Variants in TSFM observed in about 807,000 individuals in gnomAD.
The protein encoded by TSFM is Ts translation elongation factor, mitochondrial, also known as elongation factor Ts, mitochondrial.
A neutral mutation model predicts 33.4 loss-of-function variants in TSFM; 29 were observed. That is an observed-to-expected ratio of 0.87 (90% CI 0.65 to 1.18). TSFM has a LOEUF of 1.18. TSFM is among the 50% of genes most tolerant of loss of function. The pLI is 0.00. For missense variants in TSFM, 394 were observed against 395.6 expected (o/e 1.00, Z 0.04); for synonymous variants, 178 against 163.5 (o/e 1.09, Z -0.68).
At position 57,783,283 on chromosome 12, in the gene TSFM, GGT is replaced by G. The variant is rs762424912; in HGVS notation, c.231+10_231+11del. On this transcript the variant is annotated splice_donor_variant, in intron 2 of 5. Transcript: ENST00000652027. LOFTEE classifies it high-confidence loss of function. The stretch of plus-strand genomic sequence containing the variant: ...AGACTTGTGGCGGGGACCTCAAACA[GGT>G]GTGTGTGTGGAGGGGTGCAGGGCGG... 1.2e-6 allele frequency: 2 copies of G among 1,613,548 alleles called. No individual in the cohort carries two copies. Among genetic ancestry groups the G allele is most frequent in the Non-Finnish European group, 1.7e-6 (2 of 1,179,860 alleles).
downstream of TSFM, among the ~76,000 whole-genome samples, chr12:57,798,356 C>T (rs1011433816): frequency 3.9e-5 from 6 of 152,126 alleles, no homozygotes; most frequent in African/African-American, 7.2e-5. Context: ...GTTTTCTGCC[C>T]GTAACTACCA....
rs1360283926 is a variant in TSFM, at chr12:57,786,263, A to G, written c.332A>G (p.Gln111Arg). The change falls in exon 3 of 6, where the codon CAG (glutamine) becomes CGG (arginine). Residue 111 changes from glutamine (Q) to arginine (R), a missense_variant. This residue lies in a region of TSFM where 208 missense variants were observed against 180.4 expected (regional missense o/e 1.15). Coordinates refer to ENST00000652027, the MANE Select transcript of TSFM (RefSeq NM_005726.6). ...KTKEGLIGLL[Q>R]EGNTTVLVEV... ...AAAGAAGGCCTGATTGGGCTGTTGC[A>G]GGAAGGAAACACAACTGTATTAGTA... 1 of 1,612,202 alleles carries G rather than the reference A, an allele frequency of 6.2e-7. No individual in the cohort carries two copies. Among genetic ancestry groups the G allele is most frequent in the Admixed American group, 1.7e-5 (1 of 59,782 alleles).
intron 5 of TSFM, among the ~76,000 whole-genome samples, chr12:57,793,279 G>A (rs1461659142): frequency 6.6e-6 from 1 of 152,068 alleles, no homozygotes; most frequent in Non-Finnish European, 1.5e-5. Flanking sequence ...CCAGGCTGGA[G>A]TGCAGTGGCG....
At chr12:57,785,763 C>A (rs1955582688) in intron 2 of TSFM, among the ~76,000 whole-genome samples, 2 of 152,216 alleles carry the variant, frequency 1.3e-5, no homozygotes, top group African/African-American at 4.8e-5. Flanking sequence ...TTTACACTAG[C>A]ATTGCCACAA....
chr12:57,792,834 C>T (rs1036332918), intron 4 of TSFM, among the ~76,000 whole-genome samples, 152 bp from the exon 5 acceptor site: 2 of 152,206 alleles, frequency 1.3e-5, no homozygotes, highest in Non-Finnish European at 2.9e-5. Flanking sequence ...TCAGGTGATC[C>T]ACCCACCTTG....
At chr12:57,802,406 G>A (rs1244919450), downstream of TSFM, 61 of 1,518,082 alleles carry the variant, frequency 4.0e-5, no homozygotes, top group Non-Finnish European at 5.5e-5. Flanking sequence ...CTAAGTACTA[G>A]ATCATACACA....
intron 4 of TSFM, among the ~76,000 whole-genome samples, chr12:57,791,453 T>TA (rs1460836637): frequency 6.6e-6 from 1 of 152,256 alleles, no homozygotes; most frequent in Non-Finnish European, 1.5e-5. Flanking sequence ...TTTATTTAGA[T>TA]AACCAGTGTC....
intron 2 of TSFM, chr12:57,783,635 C>T (rs1473723601): frequency 3.5e-6 from 2 of 570,728 alleles, no homozygotes; most frequent in Non-Finnish European, 3.3e-6. Context: ...GCTCTGTGGC[C>T]CAGGCCGGCG....
At chr12:57,789,744 C>T (rs1348560485) in intron 4 of TSFM, among the ~76,000 whole-genome samples, 1 of 152,182 alleles carries the variant, frequency 6.6e-6, no homozygotes, top group Non-Finnish European at 1.5e-5. Flanking sequence ...GTGATTTATT[C>T]AGCACTAACA....
At chr12:57,782,976 C>G (rs1955532832) in intron 1 of TSFM, 118 bp downstream of exon 1, 19 of 1,474,332 alleles carry the variant, frequency 1.3e-5, no homozygotes, top group Non-Finnish European at 1.7e-5. Flanking sequence ...ACAGCATTGC[C>G]TCTGCCCAGT....
chr12:57,795,161 A>G (rs1955716568), intron 5 of TSFM, among the ~76,000 whole-genome samples: 1 of 150,310 alleles, frequency 6.7e-6, no homozygotes, highest in Non-Finnish European at 1.5e-5. Flanking sequence ...GTGCAATGGC[A>G]TGATCTCGCT....
At chr12:57,787,348 T>A (rs1955604643) in intron 4 of TSFM, among the ~76,000 whole-genome samples, 186 bp downstream of exon 4, 1 of 152,194 alleles carries the variant, frequency 6.6e-6, no homozygotes, top group Admixed American at 6.5e-5. Context: ...TTTAAAATTT[T>A]TTATTATGGT....
downstream of TSFM, chr12:57,798,090 G>A (rs1193052989): frequency 2.8e-6 from 2 of 718,668 alleles, no homozygotes; most frequent in African/African-American, 1.8e-5. Context: ...GTTCTAGGTG[G>A]ATCCTTGAAG....
Position 57,796,183 on chromosome 12 carries a change from T to C in TSFM, c.578T>C (p.Leu193Pro). ...TTTGTTTTTGCTTTAATAGGAAAAC[T>C]GGGAGAAAACATGATTCTTAAACGA... ...KDQLALAIGK[L>P]GENMILKRAA... Residue 193 changes from leucine to proline, a missense_variant, in exon 6 of 6, where the codon CTG becomes CCG. Around this residue, in one of 3 missense-constraint regions of TSFM, gnomAD observed 186 missense variants for 198.8 expected, o/e 0.94. Coordinates refer to ENST00000652027, the MANE Select transcript of TSFM (RefSeq NM_005726.6). 6.4e-7 allele frequency: 1 copy of C among 1,573,650 alleles called. No homozygotes were observed. The highest frequency in any genetic ancestry group is 8.6e-7 in the Non-Finnish European group (1 of 1,159,520).
chr12:57,790,277 G>C (rs1955645563), intron 4 of TSFM, among the ~76,000 whole-genome samples: 1 of 151,698 alleles, frequency 6.6e-6, no homozygotes, highest in Non-Finnish European at 1.5e-5. Context: ...ACCATGTTGG[G>C]CAGGCTGGTC....
rs768718007 is a variant in TSFM, at chr12:57,796,540, G to A, written c.935G>A (p.Arg312Gln). ...GGGGTGTCGGTAGTAGACTTTGTGC[G>A]GTTTGAATGTGGAGAAGGTGAAGAG... is the stretch of plus-strand genomic sequence containing the variant. Reference protein sequence around the residue: ...PQGVSVVDFVRFECGEGEEAA... With the variant: ...PQGVSVVDFVQFECGEGEEAA... Residue 312 changes from arginine to glutamine, a missense_variant, in exon 6 of 6, where the codon CGG (arginine) becomes CAG (glutamine). By Grantham distance (43) the Arg-to-Gln change is conservative. Around this residue, in one of 3 missense-constraint regions of TSFM, gnomAD observed 186 missense variants for 198.8 expected, o/e 0.94. Coordinates refer to ENST00000652027, the MANE Select transcript of TSFM (RefSeq NM_005726.6). The A allele has an allele frequency of 8.2e-6, 12 of 1,460,962 alleles. No individual in the cohort carries two copies. In the East Asian group the frequency reaches 9.3e-5, roughly 11 times the overall value. The allele number at this position is 1,460,962 out of a possible 1,614,324, so 90.5% of individuals were successfully genotyped here. A position where few individuals can be genotyped will look rare whatever the true frequency, so the allele number is the denominator to read the frequency against.
intron 4 of TSFM, among the ~76,000 whole-genome samples, chr12:57,791,787 A>G (rs1955665588): frequency 6.6e-6 from 1 of 152,250 alleles, no homozygotes; most frequent in Non-Finnish European, 1.5e-5. Context: ...TTGGAAGTAT[A>G]TCATCAAGGT....
intron 4 of TSFM, among the ~76,000 whole-genome samples, chr12:57,790,344 A>G (rs1050635881): frequency 2.6e-5 from 4 of 152,098 alleles, no homozygotes; most frequent in Non-Finnish European, 4.4e-5. Flanking sequence ...CTGGGATTAC[A>G]GGCGTGAACC....
chr12:57,783,620 G>A (rs1028642322), intron 2 of TSFM: 22 of 561,528 alleles, frequency 3.9e-5, no homozygotes, highest in Non-Finnish European at 7.2e-5. Context: ...TTCAGACGGA[G>A]TCTTGCTCTG....
Sources: allele counts gnomAD v4.1 joint callset (sites outside exome capture counted in the v4.1 genomes callset), GRCh38; gene constraint gnomAD v4.1.1; regional missense constraint gnomAD v4.1.1; transcripts MANE v1.5; gene names NCBI Gene and HGNC (gene_info 2026-07-23, HGNC 2026-07-21).